The following CEP131 variants were observed in gnomAD, a reference collection of about 807,000 sequenced individuals.
CEP131 encodes centrosomal protein of 131 kDa.
In CEP131, 99 loss-of-function variants were observed where a neutral mutation model predicts 136.8. That is an observed-to-expected ratio of 0.72 (90% confidence interval 0.62 to 0.86). The LOEUF (loss-of-function observed/expected upper bound fraction) is 0.86, where lower values mean the gene tolerates loss of function less well. CEP131 is among the 40% of genes least tolerant of loss of function. The pLI, the probability that CEP131 is intolerant of heterozygous loss-of-function variation, is 0.00. For synonymous variants in CEP131, 646 were observed against 612.7 expected, an observed-to-expected ratio of 1.05 and a Z score of -0.80; for missense variants, 1,459 against 1,463.0, an observed-to-expected ratio of 1.00 and a Z score of 0.04.
chr17:81,210,156 C>A (rs1398277864), intron 2 of CEP131, among the ~76,000 whole-genome samples: 1 of 148,452 alleles, frequency 6.7e-6, no homozygotes, highest in Non-Finnish European at 1.5e-5. Flanking sequence ...CTCATAAGTA[C>A]CTTACGCTAC....
intron 3 of CEP131, among the ~76,000 whole-genome samples, chr17:81,207,539 G>A (rs1177996068): frequency 1.3e-5 from 2 of 151,504 alleles, no homozygotes; most frequent in Middle Eastern, 3.2e-3. Flanking sequence ...AGTAGAGATA[G>A]GGTTTCGGCT....
Position 81,208,414 on chromosome 17 carries a change from C to G in CEP131, c.272+514G>C, listed in dbSNP as rs958384875. ...CACTCTGGGCTAGAGGATGTCCCCC[C>G]GGAGGCTGCTGGCCACCACCGGCTC... On this transcript the variant is annotated intron_variant, in intron 3 of 25. Transcript: ENST00000450824. This position sits in a 1 kb window ranked among gnomAD's most constrained non-coding sequence, Gnocchi z 5.6. Among the ~76,000 whole-genome samples, 1 of 152,074 alleles carries G rather than the reference C, an allele frequency of 6.6e-6. No homozygotes were observed. The highest frequency in any genetic ancestry group is 1.5e-5 in the Non-Finnish European group (1 of 68,002).
rs576448333 is a variant in CEP131, at chr17:81,198,956, G to A, written c.1208C>T (p.Ala403Val). Residue 403 changes from alanine (A) to valine (V), a missense_variant, in exon 11 of 26, where the codon GCT becomes GTT. Transcript: ENST00000450824. ...CAGGCAGCGGTCTCCGGGGCCTGCAGCAGGGAGGCCACCACCTGCACAGCA... is the reference window on the plus strand; with the variant it reads ...CAGGCAGCGGTCTCCGGGGCCTGCAACAGGGAGGCCACCACCTGCACAGCA... ...KANNTGGGLP[A>V]AGPGDRCLPT... The A allele has an allele frequency of 1.1e-5, 17 of 1,576,008 alleles. No individual in the cohort carries two copies. In the African/African-American group the frequency reaches 1.2e-4, roughly 11 times the overall value.
rs538795447 is a variant in CEP131, at chr17:81,199,952, C to T, written c.907-117G>A. On this transcript the variant is annotated intron_variant, in intron 8 of 25. Transcript: ENST00000450824. Reference sequence around the variant, plus strand: ...CCTAGAGTTCGTGGAATCTCAGGGCCAGCAGGGAAAGTGAAACCCCACCAG... The same window carrying T: ...CCTAGAGTTCGTGGAATCTCAGGGCTAGCAGGGAAAGTGAAACCCCACCAG... The T allele has an allele frequency of 7.7e-6, 8 of 1,036,546 alleles. No individual in the cohort carries two copies. In the Admixed American group the frequency reaches 1.1e-4, roughly 14 times the overall value. The allele number at this position is 1,036,546 out of a possible 1,614,324, so 64.2% of individuals were successfully genotyped here.
In CEP131 at chr17:81,202,233, C is replaced by T. The variant is rs200788257; in HGVS notation, c.788+7G>A. ...AGGCCCCCCCCCACCGCCCCAAGAT[C>T]GGTCACCTCTCAGCCTCCTCCTCCG... On this transcript the variant is annotated splice_region_variant and intron_variant, in intron 7 of 25. Coordinates refer to ENST00000450824, the MANE Select transcript of CEP131 (RefSeq NM_014984.4). The T allele has an allele frequency of 2.8e-4, 405 of 1,429,774 alleles. 2 individuals are homozygous for T. In the African/African-American group the frequency reaches 4.5e-3, roughly 16 times the overall value. The allele number at this position is 1,429,774 out of a possible 1,614,324, so 88.6% of individuals were successfully genotyped here.
At position 81,206,522 on chromosome 17, in the gene CEP131, TC is replaced by T. The variant is rs562199540; in HGVS notation, c.515+221del. Among the ~76,000 whole-genome samples, 768 of 151,356 alleles carry T rather than the reference TC, an allele frequency of 5.1e-3. 10 individuals are homozygous for T. The highest frequency in any genetic ancestry group is 0.018 in the African/African-American group (751 of 41,194). On this transcript the variant is annotated intron_variant, in intron 5 of 25. Transcript: ENST00000450824. ...TGTGAGCCTCCCCAAGGCCTGAAAC[TC>T]TTTAAGAGCAAAGCCTGGGCCGAGA...
Position 81,190,980 on chromosome 17 carries a change from TC to T in CEP131, c.2869del (p.Glu957ArgfsTer26). ...CAGACGCAGATTCTCGCCCTCGGCC[TC>T]CCCAAGCTGGCCCTTCAGCTCCGAG... ...RCSELKGQLG[E>X]AEGENLRLQG... On this transcript the variant is annotated frameshift_variant, in exon 23 of 26. Coordinates refer to ENST00000450824, the MANE Select transcript of CEP131 (RefSeq NM_014984.4). LOFTEE classifies it high-confidence loss of function. 6.2e-7 allele frequency: 1 copy of T among 1,607,392 alleles called. No homozygotes were observed. Among genetic ancestry groups the T allele is most frequent in the Non-Finnish European group, 8.5e-7 (1 of 1,179,894 alleles).
chr17:81,200,121 T>C lies in CEP131; in HGVS notation c.906+208A>G, dbSNP rs2061857143. The C allele has an allele frequency of 9.8e-6, 6 of 609,154 alleles. No homozygotes were observed. In the South Asian group the frequency reaches 1.2e-4, roughly 12 times the overall value. 37.7% of individuals were successfully genotyped at this position (609,154 alleles called of 1,614,324 possible). On this transcript the variant is annotated intron_variant, in intron 8 of 25. Transcript: ENST00000450824. ...CAGCCTGGGATGGACCCAGCAGGCG[T>C]TTCCTGACACCCAGGCCCTGAGGAC...
At position 81,191,400 on chromosome 17, in the gene CEP131, T is replaced by C. The variant is rs777974739; in HGVS notation, c.2623-65A>G. ...CCGGCCCGCGGGGCCAGGGCCAGCC[T>C]CAGGGGGTCCTGGGGGGCTCCAGGC... On this transcript the variant is annotated intron_variant, in intron 21 of 25. Coordinates refer to ENST00000450824, the MANE Select transcript of CEP131 (RefSeq NM_014984.4). 2.0e-6 allele frequency: 3 copies of C among 1,536,122 alleles called. 1 individual carries two copies. In the South Asian group the frequency reaches 3.4e-5, roughly 17 times the overall value.
chr17:81,190,777 C>T lies in CEP131; in HGVS notation c.2969G>A (p.Arg990His), dbSNP rs753097172. 12 of 1,611,156 alleles carry T rather than the reference C, an allele frequency of 7.4e-6. No homozygotes were observed. Among genetic ancestry groups the T allele is most frequent in the Admixed American group, 3.3e-5 (2 of 59,820 alleles). The change falls in exon 24 of 26, where the codon CGC (arginine) becomes CAC (histidine). Residue 990 changes from arginine (R) to histidine (H), a missense_variant. Transcript: ENST00000450824. ...QAVNEQLSSERSNLAQVIRQE... is the reference protein window; with the variant it reads ...QAVNEQLSSEHSNLAQVIRQE... ...GCGGATCACCTGGGCCAGGTTGCTG[C>T]GCTCGCTAGAAAGCTGCTCGTTCAC... is the stretch of plus-strand genomic sequence containing the variant.
At position 81,208,919 on chromosome 17, in the gene CEP131, A is replaced by C; in HGVS notation, c.272+9T>G. 6.2e-7 allele frequency: 1 copy of C among 1,611,294 alleles called. No homozygotes were observed. Reference sequence around the variant, plus strand: ...GGGGCCAGGGTTATCCAAGGGCCTTAGGGGTTACCTGGGGGAGCCGCTCCG... The same window carrying C: ...GGGGCCAGGGTTATCCAAGGGCCTTCGGGGTTACCTGGGGGAGCCGCTCCG... On this transcript the variant is annotated intron_variant, in intron 3 of 25. Coordinates refer to ENST00000450824, the MANE Select transcript of CEP131 (RefSeq NM_014984.4). This position sits in a 1 kb window ranked among gnomAD's most constrained non-coding sequence, Gnocchi z 5.6.
Position 81,190,229 on chromosome 17 carries a change from G to A in CEP131, c.3108-254C>T, listed in dbSNP as rs532262002. On this transcript the variant is annotated intron_variant, in intron 24 of 25. Transcript: ENST00000450824. ...GTACCCAGATGGGGTGGGACACCTCGCCCACACCCACCTCTCAGCCTGTGG... is the reference window on the plus strand; with the variant it reads ...GTACCCAGATGGGGTGGGACACCTCACCCACACCCACCTCTCAGCCTGTGG... 3.3e-5 allele frequency among the ~76,000 whole-genome samples: 5 copies of A among 152,256 alleles called. No individual in the cohort carries two copies. In the East Asian group the frequency reaches 5.8e-4, roughly 18 times the overall value.
intron 23 of CEP131, 41 bp downstream of exon 23, chr17:81,190,866 C>T (rs1168868324): frequency 6.3e-7 from 1 of 1,593,388 alleles, no homozygotes; most frequent in Non-Finnish European, 8.6e-7. Context: ...GCAGGAGGGG[C>T]CTGTGGGTGC....
intron 18 of CEP131, 98 bp downstream of exon 18, chr17:81,193,828 C>T (rs942138996): frequency 4.4e-6 from 6 of 1,354,332 alleles, no homozygotes; most frequent in Non-Finnish European, 6.0e-6. Flanking sequence ...CACTAAGACC[C>T]TCGCCCACCT....
rs2062343437 is a variant in CEP131, at chr17:81,219,781, C to A, written c.177+99G>T. On this transcript the variant is annotated intron_variant, in intron 2 of 25. Coordinates refer to ENST00000450824, the MANE Select transcript of CEP131 (RefSeq NM_014984.4). The surrounding 1 kb of genome is among the most constrained non-coding windows in gnomAD (Gnocchi z 4.0). ...GGATCCAGCATGTCCAGATGTGAGG[C>A]ACTTGTTCACCTGTGGAGCTGGACC... 3.1e-6 allele frequency: 4 copies of A among 1,277,710 alleles called. No homozygotes were observed. The highest frequency in any genetic ancestry group is 4.2e-6 in the Non-Finnish European group (4 of 949,648). 79.1% of individuals were successfully genotyped at this position (1,277,710 alleles called of 1,614,324 possible). A position where few individuals can be genotyped will look rare whatever the true frequency, so the allele number is the denominator to read the frequency against.
At chr17:81,201,175 C>T (rs1301113789) in intron 7 of CEP131, among the ~76,000 whole-genome samples, 3 of 152,246 alleles carry the variant, frequency 2.0e-5, no homozygotes, top group Non-Finnish European at 4.4e-5. Flanking sequence ...TGAGCCCTAG[C>T]TCGGGAGCAG....
chr17:81,198,894 G>T lies in CEP131; in HGVS notation c.1270C>A (p.Pro424Thr). The change falls in exon 11 of 26, where the codon CCA (proline) becomes ACA (threonine). Residue 424 changes from proline to threonine, a missense_variant. Pro to Thr is a conservative substitution (Grantham distance 38). Around this residue, in one of 3 missense-constraint regions of CEP131, gnomAD observed 1,026 missense variants for 964.2 expected, o/e 1.06. Transcript: ENST00000450824. ...SDSSPEPQQP[P>T]EDRTQDVLAQ... ...GCTCAGACCTGCGTCCTGTCCTCTG[G>T]AGGCTGCTGTGGTTCTGGGGATGAG... 5.7e-6 allele frequency: 9 copies of T among 1,589,706 alleles called. No individual in the cohort carries two copies. Among genetic ancestry groups the T allele is most frequent in the Non-Finnish European group, 7.7e-6 (9 of 1,169,008 alleles).
At chr17:81,194,370 C>T (rs573024633) in intron 17 of CEP131, among the ~76,000 whole-genome samples, 1 of 152,322 alleles carries the variant, frequency 6.6e-6, no homozygotes, top group East Asian at 1.9e-4. Flanking sequence ...GGTGCTACCA[C>T]TGACGGCTCC....
At chr17:81,194,240 G>T in intron 17 of CEP131, 113 bp from the exon 18 acceptor site, 1 of 1,016,026 alleles carries the variant, frequency 9.8e-7, no homozygotes, top group Non-Finnish European at 1.4e-6. Context: ...CCCACCCAGG[G>T]CCTCCTTGGA....
Sources: allele counts gnomAD v4.1 joint callset (sites outside exome capture counted in the v4.1 genomes callset), GRCh38; gene constraint gnomAD v4.1.1; regional missense constraint gnomAD v4.1.1; non-coding constraint Gnocchi (gnomAD v3.1); transcripts MANE v1.5; gene names NCBI Gene and HGNC (gene_info 2026-07-23, HGNC 2026-07-21).